FAR2: variants seen among roughly 807,000 people sequenced by gnomAD.
FAR2 encodes epididymis secretory protein Li 81.
In FAR2, 19 loss-of-function variants were observed where a neutral mutation model predicts 56.0. That is an observed-to-expected ratio of 0.34 (90% CI 0.24 to 0.50). The LOEUF (loss-of-function observed/expected upper bound fraction) is 0.50, where lower values mean the gene tolerates loss of function less well. Among genes scored for constraint, FAR2 ranks in the 20% least tolerant of loss-of-function variants. The pLI is 0.98. For missense variants in FAR2, 508 were observed against 642.2 expected, an observed-to-expected ratio of 0.79 and a Z score of 2.26; for synonymous variants, 219 against 218.8, an observed-to-expected ratio of 1.00 and a Z score of -0.01.
intron 1 of FAR2, among the ~76,000 whole-genome samples, chr12:29,169,134 G>A (rs962919762): frequency 2.6e-5 from 4 of 152,086 alleles, no homozygotes; most frequent in Non-Finnish European, 4.4e-5. Context: ...GTCCCCACTC[G>A]ACCCAGGAAG....
chr12:29,291,889 A>G (rs1382746888), intron 2 of FAR2, among the ~76,000 whole-genome samples: 1 of 152,250 alleles, frequency 6.6e-6, no homozygotes, highest in South Asian at 2.1e-4. Context: ...TGTGGTTTGA[A>G]TTGATGCAGC....
chr12:29,180,845 G>C (rs1360678919), intron 1 of FAR2, among the ~76,000 whole-genome samples: 1 of 151,932 alleles, frequency 6.6e-6, no homozygotes, highest in Admixed American at 6.6e-5. Flanking sequence ...CCTCCAGATT[G>C]CCTGAGAAAT....
At chr12:29,251,181 TG>T (rs1252494009) in intron 1 of FAR2, among the ~76,000 whole-genome samples, 1 of 152,188 alleles carries the variant, frequency 6.6e-6, no homozygotes, top group Non-Finnish European at 1.5e-5. Flanking sequence ...AAGTGTAGCT[TG>T]ACTCATCAAA....
rs959738355 is a variant in FAR2, at chr12:29,323,935, G to C, written c.1257+2011G>C. On this transcript the variant is annotated intron_variant, in intron 10 of 11. Coordinates refer to ENST00000536681, the MANE Select transcript of FAR2 (RefSeq NM_001271783.2). ...GAGTTGAGAGAGGAAGGCTTCAGAA[G>C]ATCAAATTACTCTGAGCTAAAGGAG... 3.9e-5 allele frequency among the ~76,000 whole-genome samples: 6 copies of C among 152,148 alleles called. No homozygotes were observed. The East Asian group carries it at 7.7e-4, about 20-fold the overall frequency.
chr12:29,302,235 GGAAAAAAAAAAA>G (rs770734297), intron 4 of FAR2, among the ~76,000 whole-genome samples: 2 of 25,542 alleles, frequency 7.8e-5, no homozygotes, highest in African/African-American at 4.1e-4. Flanking sequence ...CCATCTCAAA[GGAAAAAAAAAAA>G]AAAAAAAAAA....
At chr12:29,331,600 T>G (rs1949733502) in intron 10 of FAR2, 1 of 152,156 alleles carries the variant, frequency 6.6e-6, no homozygotes, top group Non-Finnish European at 1.5e-5. Context: ...AAAACTATTT[T>G]TTCTAATATA....
intron 3 of FAR2, 33 bp downstream of exon 3, chr12:29,293,508 AC>A (rs752696750): frequency 3.4e-4 from 468 of 1,368,304 alleles, no homozygotes; most frequent in Non-Finnish European, 4.3e-4. Context: ...TGGCTTGTAT[AC>A]ATATGTGTGC....
rs1252427740 is a variant in FAR2, at chr12:29,227,867, C to A, written c.-38-42545C>A. Among the ~76,000 whole-genome samples, 22 of 133,434 alleles carry A rather than the reference C, an allele frequency of 1.6e-4. No homozygotes were observed. In the Admixed American group the frequency reaches 1.7e-3, roughly 11 times the overall value. The allele number at this position is 133,434 out of a possible 152,430, so 87.5% of individuals were successfully genotyped here. ...AAAAACTGCACATTTCATTGGTATA[C>A]TTTGCTAAGGTAAAAAAAAAAAAAT... is the stretch of plus-strand genomic sequence containing the variant. On this transcript the variant is annotated intron_variant, in intron 1 of 11. Transcript: ENST00000536681.
At chr12:29,152,579 G>A (rs1323494274) in intron 1 of FAR2, among the ~76,000 whole-genome samples, 1 of 152,204 alleles carries the variant, frequency 6.6e-6, no homozygotes, top group Non-Finnish European at 1.5e-5. Flanking sequence ...TCTTCTAATG[G>A]CACTAGAAGG....
intron 1 of FAR2, among the ~76,000 whole-genome samples, chr12:29,230,497 G>A (rs544851836): frequency 3.5e-4 from 54 of 152,208 alleles, no homozygotes; most frequent in Middle Eastern, 6.8e-3. Context: ...TGCCTTGCAT[G>A]TGAGCCAGGC....
intron 6 of FAR2, among the ~76,000 whole-genome samples, chr12:29,310,704 T>C (rs1949332735): frequency 6.6e-6 from 1 of 152,242 alleles, no homozygotes; most frequent in Non-Finnish European, 1.5e-5. Flanking sequence ...ACATGTCTTA[T>C]GAATTAATTT....
intron 4 of FAR2, chr12:29,302,074 C>CA (rs1394859556): frequency 1.3e-5 from 2 of 151,718 alleles, no homozygotes; most frequent in South Asian, 2.1e-4. Flanking sequence ...ACTAAAAATA[C>CA]AAAAAATTAG....
intron 1 of FAR2, among the ~76,000 whole-genome samples, chr12:29,194,521 CCACACACACACACACACA>C (rs3222956): frequency 7.1e-6 from 1 of 140,792 alleles, no homozygotes; most frequent in Non-Finnish European, 1.5e-5. Context: ...GCTAGTGATG[CCACACACACACACACACA>C]CACACACACA....
intron 1 of FAR2, among the ~76,000 whole-genome samples, chr12:29,177,766 T>A (rs1949952110): frequency 6.6e-6 from 1 of 152,100 alleles, no homozygotes; most frequent in South Asian, 2.1e-4. Context: ...ACAGATGCGT[T>A]CCAAGATTTT....
At chr12:29,204,019 A>AAAAG (rs1555108282) in intron 1 of FAR2, among the ~76,000 whole-genome samples, 30 of 122,410 alleles carry the variant, frequency 2.5e-4, no homozygotes, top group Non-Finnish European at 2.8e-4. Context: ...AAAAAAAAAA[A>AAAAG]AAAAGAAAAT....
intron 1 of FAR2, among the ~76,000 whole-genome samples, chr12:29,208,532 CT>C (rs1358937621): frequency 1.3e-5 from 2 of 152,126 alleles, no homozygotes; most frequent in African/African-American, 4.8e-5. Flanking sequence ...ATTTATATTT[CT>C]ATCATCAGAT....
intron 1 of FAR2, among the ~76,000 whole-genome samples, chr12:29,178,400 C>T (rs1949960086): frequency 6.6e-6 from 1 of 152,082 alleles, no homozygotes; most frequent in Admixed American, 6.5e-5. Context: ...TGGAGACTAG[C>T]CTGGGTAACA....
intron 1 of FAR2, among the ~76,000 whole-genome samples, chr12:29,162,652 T>A (rs550051030): frequency 6.6e-6 from 1 of 152,304 alleles, no homozygotes; most frequent in African/African-American, 2.4e-5. Context: ...GTGAAAAAAA[T>A]TAATAGTGTG....
Position 29,229,761 on chromosome 12 carries a change from C to T in FAR2, c.-38-40651C>T, listed in dbSNP as rs557541598. 1.1e-4 allele frequency among the ~76,000 whole-genome samples: 16 copies of T among 152,160 alleles called. 1 individual carries two copies. Among genetic ancestry groups the T allele is most frequent in the Admixed American group, 9.2e-4 (14 of 15,276 alleles). The stretch of plus-strand genomic sequence containing the variant: ...CATACAGATAAGCATAACATTACAA[C>T]TGTGGTAAGTGGTCACAAAAAAAGA... On this transcript the variant is annotated intron_variant, in intron 1 of 11. Transcript: ENST00000536681.
Sources: allele counts gnomAD v4.1 joint callset (sites outside exome capture counted in the v4.1 genomes callset), GRCh38; gene constraint gnomAD v4.1.1; transcripts MANE v1.5; gene names NCBI Gene and HGNC (gene_info 2026-07-23, HGNC 2026-07-21).